Variants in MED14 observed in about 807,000 individuals in gnomAD.
The protein encoded by MED14 is mediator complex subunit 14.
MED14 carries 8 observed loss-of-function variants against 109.0 expected under a neutral mutation model. The observed-to-expected ratio is 0.07, with a 90% CI of 0.04 to 0.13. The LOEUF (loss-of-function observed/expected upper bound fraction) is 0.13, where lower values mean the gene tolerates loss of function less well. Among genes scored for constraint, MED14 ranks in the 10% least tolerant of loss-of-function variants. MED14 has a pLI of 1.00. For missense variants in MED14, 711 were observed against 1,142.4 expected (o/e 0.62, Z 5.44); for synonymous variants, 399 against 408.7 (o/e 0.98, Z 0.29).
rs1931910391 is a variant in MED14, at chrX:40,726,818, T to C, written c.276A>G (p.Thr92=). ...KIEIVQFASR[T]RQLFVRLLAL... ...CTAATAATCGAACGAAGAGTTGGCG[T>C]GTCCGGCTAGCAAACTGCACTATTT... The change falls in exon 3 of 31, where the codon ACA becomes ACG. Residue 92 remains threonine, a synonymous_variant. Transcript: ENST00000324817. 5 of 1,206,861 alleles carry C rather than the reference T, an allele frequency of 4.1e-6. No homozygotes were observed. Among genetic ancestry groups the C allele is most frequent in the Admixed American group, 4.4e-5 (2 of 45,448 alleles).
chrX:40,696,544 C>T (rs1194273045), intron 13 of MED14, among the ~76,000 whole-genome samples: 1 of 110,833 alleles, frequency 9.0e-6, no homozygotes, highest in Non-Finnish European at 1.9e-5. Context: ...CATACAGAAA[C>T]AGTGAAAAAG....
At chrX:40,697,449 G>A (rs1278295389) in intron 12 of MED14, among the ~76,000 whole-genome samples, 2 of 111,875 alleles carry the variant, frequency 1.8e-5, no homozygotes, top group Non-Finnish European at 3.8e-5. Context: ...GAGATACTAT[G>A]TTAGTTTATT....
intron 15 of MED14, among the ~76,000 whole-genome samples, chrX:40,689,497 G>A (rs975222003): frequency 9.0e-6 from 1 of 110,664 alleles, no homozygotes; most frequent in African/African-American, 3.3e-5. Flanking sequence ...AGTTCAAGAC[G>A]AGCCTAGCCA....
chrX:40,701,492 A>C (rs1182134330), intron 11 of MED14, among the ~76,000 whole-genome samples: 1 of 112,017 alleles, frequency 8.9e-6, no homozygotes, highest in African/African-American at 3.2e-5. Context: ...TGGCAGAAAG[A>C]ACAAGTAACA....
intron 28 of MED14, among the ~76,000 whole-genome samples, chrX:40,658,023 A>T (rs1929120271): frequency 9.1e-6 from 1 of 110,337 alleles, no homozygotes; most frequent in African/African-American, 3.3e-5. Flanking sequence ...GGAACTCCTG[A>T]GCTCAGGCAA....
chrX:40,727,070 T>C (rs1931919212), intron 2 of MED14, among the ~76,000 whole-genome samples: 2 of 112,190 alleles, frequency 1.8e-5, no homozygotes. Context: ...CCCAATAGAA[T>C]GTTTTAGCAA....
chrX:40,731,140 CAA>C (rs34609114), intron 1 of MED14, among the ~76,000 whole-genome samples: 1 of 92,790 alleles, frequency 1.1e-5, no homozygotes, highest in Non-Finnish European at 2.2e-5. Context: ...GACCCTGTCT[CAA>C]AAAAAAAAAA....
At chrX:40,714,940 A>C in intron 3 of MED14, 1 of 339,350 alleles carries the variant, frequency 2.9e-6, no homozygotes. Flanking sequence ...AAAGCTTTCT[A>C]ATTCATTTCT....
intron 30 of MED14, chrX:40,653,932 A>G (rs1215903059): frequency 8.4e-6 from 1 of 119,543 alleles, no homozygotes; most frequent in Non-Finnish European, 1.7e-5. Flanking sequence ...TTTTAATAAT[A>G]TTCTTCTATT....
At chrX:40,665,532 C>CA (rs1219873528) in intron 24 of MED14, among the ~76,000 whole-genome samples, 1 of 109,475 alleles carries the variant, frequency 9.1e-6, no homozygotes, top group African/African-American at 3.4e-5. Context: ...GACTCTGTCT[C>CA]AAAAAAAACA....
At chrX:40,675,435 A>C in intron 21 of MED14, 74 bp from the exon 22 acceptor site, 1 of 775,319 alleles carries the variant, frequency 1.3e-6, no homozygotes, top group South Asian at 4.0e-5. Flanking sequence ...ATTATTTAGA[A>C]TATTTAAACA....
At chrX:40,651,900 C>T in intron 30 of MED14, 21 bp from the exon 31 acceptor site, 1 of 1,185,427 alleles carries the variant, frequency 8.4e-7, no homozygotes, top group Non-Finnish European at 1.1e-6. Context: ...GAAAAATGGT[C>T]ATTAGCTATT....
intron 1 of MED14, 105 bp from the exon 2 acceptor site, chrX:40,729,450 A>C: frequency 1.3e-6 from 1 of 790,501 alleles, no homozygotes; most frequent in Non-Finnish European, 1.8e-6. Flanking sequence ...TTTCAGAAAA[A>C]CTGGGTAAAC....
chrX:40,714,089 T>C (rs747148744), intron 4 of MED14, among the ~76,000 whole-genome samples, 182 bp from the exon 5 acceptor site: 2 of 111,944 alleles, frequency 1.8e-5, no homozygotes, highest in East Asian at 2.8e-4. Flanking sequence ...ATGATTCTAG[T>C]CATTTAGCTA....
chrX:40,692,480 T>C (rs773496230), intron 14 of MED14, among the ~76,000 whole-genome samples, 163 bp from the exon 15 acceptor site: 4 of 112,213 alleles, frequency 3.6e-5, no homozygotes, highest in Non-Finnish European at 5.6e-5. Flanking sequence ...TGGTAATTTA[T>C]TAGTAAATAT....
At position 40,691,901 on chromosome X, in the gene MED14, C is replaced by T. The variant is rs190354534; in HGVS notation, c.1980+282G>A. Among the ~76,000 whole-genome samples the T allele has an allele frequency of 1.5e-4, 16 of 110,104 alleles. No individual in the cohort carries two copies. The East Asian group carries it at 4.0e-3, about 27-fold the overall frequency. ...TGCTGGGATTACAGGTGTGAGCCAC[C>T]GTGCCCAGCCCTGTCCACTTTTTTT... On this transcript the variant is annotated intron_variant, in intron 15 of 30. Coordinates refer to ENST00000324817, the MANE Select transcript of MED14 (RefSeq NM_004229.4).
chrX:40,678,050 C>A (rs770895729), intron 21 of MED14, among the ~76,000 whole-genome samples: 5 of 111,090 alleles, frequency 4.5e-5, no homozygotes, highest in East Asian at 5.6e-4. Context: ...TTCCCCACCC[C>A]CCATGTACCT....
intron 13 of MED14, among the ~76,000 whole-genome samples, chrX:40,696,208 C>T (rs985910614): frequency 2.8e-5 from 3 of 105,697 alleles, no homozygotes; most frequent in African/African-American, 1.0e-4. Context: ...GATCTCGGCT[C>T]ACTGCAAGCT....
intron 13 of MED14, among the ~76,000 whole-genome samples, chrX:40,693,654 G>A (rs1365087124): frequency 2.7e-5 from 3 of 111,268 alleles, no homozygotes; most frequent in Admixed American, 9.6e-5. Context: ...AAATTGCTCT[G>A]CTGCCTCCCT....
Sources: gnomAD v4.1 joint callset for allele counts (sites outside exome capture counted in the v4.1 genomes callset) on GRCh38, gnomAD v4.1.1 for gene constraint, MANE v1.5 for transcripts, NCBI Gene and HGNC (gene_info 2026-07-23, HGNC 2026-07-21) for gene names.